NSUN7: variants seen among roughly 807,000 people sequenced by gnomAD.
The protein encoded by NSUN7 is NOP2/Sun RNA methyltransferase family member 7.
NSUN7 carries 39 observed loss-of-function variants against 58.5 expected under a neutral mutation model. That is an observed-to-expected ratio of 0.67 (90% CI 0.52 to 0.87). NSUN7 has a LOEUF of 0.87. Ranked by LOEUF, NSUN7 falls within the 40% of genes least tolerant of loss-of-function variation. The pLI is 0.00. For synonymous variants in NSUN7, 278 were observed against 303.7 expected, an observed-to-expected ratio of 0.92 and a Z score of 0.88; for missense variants, 765 against 844.1, an observed-to-expected ratio of 0.91 and a Z score of 1.16.
At chr4:40,788,065 C>T (rs1387540839) in intron 7 of NSUN7, among the ~76,000 whole-genome samples, 1 of 152,174 alleles carries the variant, frequency 6.6e-6, no homozygotes, top group Non-Finnish European at 1.5e-5. Flanking sequence ...AAACTCCCGA[C>T]CTCGTGATCC....
At chr4:40,751,218 C>A (rs1346003567) in intron 2 of NSUN7, among the ~76,000 whole-genome samples, 1 of 152,178 alleles carries the variant, frequency 6.6e-6, no homozygotes, top group African/African-American at 2.4e-5. Flanking sequence ...GTCCTTAGAT[C>A]GGTGTAGTGC....
intron 10 of NSUN7, among the ~76,000 whole-genome samples, chr4:40,801,901 C>CAA (rs56868885): frequency 0.13 from 14,402 of 106,952 alleles, 978 homozygotes; most frequent in Non-Finnish European, 0.17. Flanking sequence ...GACTCTGTCT[C>CAA]AAAAAAAAAA....
chr4:40,760,560 CT>C, intron 3 of NSUN7, 68 bp downstream of exon 3: 2 of 1,322,382 alleles, frequency 1.5e-6, no homozygotes, highest in African/African-American at 1.5e-5. Context: ...GTTTAAAAGC[CT>C]TTAGATTTAA....
At chr4:40,750,398 C>T (rs1363845212) in intron 1 of NSUN7, 98 bp downstream of exon 1, 4 of 310,876 alleles carry the variant, frequency 1.3e-5, no homozygotes, top group Admixed American at 9.5e-5. Flanking sequence ...GGGAAGCCGT[C>T]GGTCTCCTTG....
At position 40,809,021 on chromosome 4, in the gene NSUN7, T is replaced by G; in HGVS notation, c.*82T>G. The G allele has an allele frequency of 9.8e-6, 13 of 1,325,614 alleles. No homozygotes were observed. Among genetic ancestry groups the G allele is most frequent in the South Asian group, 1.6e-5 (1 of 62,006 alleles). 82.1% of individuals were successfully genotyped at this position (1,325,614 alleles called of 1,614,324 possible). ...TATTTCTCTGAAGATTCTACATCTC[T>G]ACACAAGATATTCATTCTTTTGGTC... On this transcript the variant is annotated 3_prime_UTR_variant, in exon 12 of 12. Transcript: ENST00000381782.
Position 40,809,078 on chromosome 4 carries a change from T to C in NSUN7, c.*139T>C. On this transcript the variant is annotated 3_prime_UTR_variant, in exon 12 of 12. Coordinates refer to ENST00000381782, the MANE Select transcript of NSUN7 (RefSeq NM_024677.6). ...GGATCTTCTAAGTGTGATATTACTT[T>C]CAGAGAATTCAGACAAGTGAGAAAC... The C allele has an allele frequency of 1.1e-6, 1 of 871,880 alleles. No individual in the cohort carries two copies. The allele number at this position is 871,880 out of a possible 1,614,324, so 54.0% of individuals were successfully genotyped here. A position where few individuals can be genotyped will look rare whatever the true frequency, so the allele number is the denominator to read the frequency against.
At position 40,808,954 on chromosome 4, in the gene NSUN7, T is replaced by G; in HGVS notation, c.*15T>G. On this transcript the variant is annotated 3_prime_UTR_variant, in exon 12 of 12. Transcript: ENST00000381782. ...GATGGCTTTGATTGTCTTGTGTTTTTTATAGGGGCCAAAGAGCAGTTGATT... is the reference window on the plus strand; with the variant it reads ...GATGGCTTTGATTGTCTTGTGTTTTGTATAGGGGCCAAAGAGCAGTTGATT... 1 of 1,500,340 alleles carries G rather than the reference T, an allele frequency of 6.7e-7. No individual in the cohort carries two copies. The highest frequency in any genetic ancestry group is 8.9e-7 in the Non-Finnish European group (1 of 1,127,018). 92.9% of individuals were successfully genotyped at this position (1,500,340 alleles called of 1,614,324 possible).
intron 2 of NSUN7, among the ~76,000 whole-genome samples, chr4:40,755,831 A>G (rs1741116166): frequency 6.6e-6 from 1 of 152,238 alleles, no homozygotes; most frequent in Non-Finnish European, 1.5e-5. Context: ...TCCAGGAGAG[A>G]CTAGACGCAA....
At chr4:40,800,991 A>G (rs1395729236) in intron 10 of NSUN7, among the ~76,000 whole-genome samples, 1 of 145,502 alleles carries the variant, frequency 6.9e-6, no homozygotes, top group African/African-American at 2.5e-5. Flanking sequence ...TATAGAAATA[A>G]GGAAGGGAAA....
chr4:40,784,512 AC>A (rs1378259386), intron 7 of NSUN7, among the ~76,000 whole-genome samples: 1 of 152,240 alleles, frequency 6.6e-6, no homozygotes, highest in African/African-American at 2.4e-5. Context: ...AGAAAGCCAA[AC>A]AAAAAAGTCC....
chr4:40,767,502 A>G (rs1003159985), intron 4 of NSUN7, among the ~76,000 whole-genome samples: 6 of 152,164 alleles, frequency 3.9e-5, no homozygotes, highest in Non-Finnish European at 7.4e-5. Context: ...TTTACTTCCA[A>G]CTATGTGGTC....
At chr4:40,797,509 C>T (rs1199921778) in intron 9 of NSUN7, among the ~76,000 whole-genome samples, 1 of 152,226 alleles carries the variant, frequency 6.6e-6, no homozygotes, top group East Asian at 1.9e-4. Flanking sequence ...TTGTAGCCTT[C>T]CACCCGCTTA....
chr4:40,769,295 T>C (rs527713588), intron 4 of NSUN7, among the ~76,000 whole-genome samples: 1 of 152,386 alleles, frequency 6.6e-6, no homozygotes, highest in East Asian at 1.9e-4. Context: ...TGTAATTGTA[T>C]GGTCATGATA....
At chr4:40,771,645 A>G (rs1166370604) in intron 4 of NSUN7, among the ~76,000 whole-genome samples, 1 of 151,608 alleles carries the variant, frequency 6.6e-6, no homozygotes, top group African/African-American at 2.4e-5. Context: ...ATCCTAGAAT[A>G]TCCTCATAAG....
intron 7 of NSUN7, among the ~76,000 whole-genome samples, chr4:40,780,614 GA>G (rs78602277): frequency 8.6e-5 from 11 of 127,824 alleles, no homozygotes; most frequent in Admixed American, 2.3e-4. Context: ...CTCAAAAAAA[GA>G]AAAAAAAAAG....
At chr4:40,758,762 G>A (rs1741297153) in intron 2 of NSUN7, among the ~76,000 whole-genome samples, 1 of 152,114 alleles carries the variant, frequency 6.6e-6, no homozygotes, top group South Asian at 2.1e-4. Context: ...CCACACACCT[G>A]TAGTCCCAGC....
In NSUN7 at chr4:40,776,120, C is replaced by T. The variant is rs751914094; in HGVS notation, c.897C>T (p.Val299=). The T allele has an allele frequency of 6.2e-7, 1 of 1,608,402 alleles. No individual in the cohort carries two copies. The highest frequency in any genetic ancestry group is 1.3e-5 in the African/African-American group (1 of 74,782). ...LLNMDDDVLM[V]NTGSWYTVSH... is the part of the protein sequence containing the mutation. ...ATATGGATGATGATGTCTTAATGGT[C>T]AATACAGGCTCATGGTACACAGTTT... is the stretch of plus-strand genomic sequence containing the variant. The change falls in exon 7 of 12, where the codon GTC becomes GTT. Residue 299 remains valine (V), a synonymous_variant. Coordinates refer to ENST00000381782, the MANE Select transcript of NSUN7 (RefSeq NM_024677.6).
At chr4:40,790,888 T>C (rs1743048303) in intron 8 of NSUN7, 143 bp downstream of exon 8, 1 of 610,294 alleles carries the variant, frequency 1.6e-6, no homozygotes, top group Non-Finnish European at 2.7e-6. Context: ...ATGTATAAAG[T>C]CCTTTACCTC....
rs764936168 is a variant in NSUN7, at chr4:40,776,090, A to G, written c.867A>G (p.Leu289=). ...RSLAVHSVKA[L]LNMDDDVLMV... ...TTGCTGTCCATTCTGTAAAGGCTTT[A>G]TTAAATATGGATGATGATGTCTTAA... The change falls in exon 7 of 12, where the codon TTA becomes TTG. Residue 289 remains leucine, a synonymous_variant. Transcript: ENST00000381782. 15 of 1,609,850 alleles carry G rather than the reference A, an allele frequency of 9.3e-6. No individual in the cohort carries two copies. The highest frequency in any genetic ancestry group is 2.2e-5 in the South Asian group (2 of 90,526).
Sources: gnomAD v4.1 joint callset for allele counts (sites outside exome capture counted in the v4.1 genomes callset) on GRCh38, gnomAD v4.1.1 for gene constraint, MANE v1.5 for transcripts, NCBI Gene and HGNC (gene_info 2026-07-23, HGNC 2026-07-21) for gene names.